The following TOPBP1 variants were observed in gnomAD, a reference collection of about 807,000 sequenced individuals.
TOPBP1 encodes DNA topoisomerase II binding protein 1.
TOPBP1 carries 28 observed loss-of-function variants against 167.7 expected under a neutral mutation model. That is an observed-to-expected ratio of 0.17 (90% CI 0.12 to 0.23). The LOEUF is 0.23. TOPBP1 is among the 10% of genes least tolerant of loss of function. The pLI is 1.00. For synonymous variants in TOPBP1, 598 were observed against 611.4 expected (o/e 0.98, Z 0.32); for missense variants, 1,554 against 1,809.6 (o/e 0.86, Z 2.56).
At chr3:133,605,129 G>A (rs1934445880) in intron 27 of TOPBP1, among the ~76,000 whole-genome samples, 1 of 151,298 alleles carries the variant, frequency 6.6e-6, no homozygotes, top group African/African-American at 2.4e-5. Flanking sequence ...AGCACAGGAA[G>A]TGGAGATTGC....
intron 23 of TOPBP1, 129 bp from the exon 24 acceptor site, chr3:133,612,681 GACTT>G (rs1200489045): frequency 4.4e-6 from 3 of 679,572 alleles, no homozygotes; most frequent in East Asian, 6.0e-5. Context: ...AAAAAAACTT[GACTT>G]ACTTAGAATT....
intron 21 of TOPBP1, 172 bp downstream of exon 21, chr3:133,618,041 T>C (rs944217836): frequency 3.3e-6 from 2 of 601,298 alleles, no homozygotes; most frequent in Non-Finnish European, 2.9e-6. Flanking sequence ...ATGAAGTACC[T>C]CAATTTACAA....
chr3:133,616,739 TTAA>T, intron 23 of TOPBP1, 72 bp downstream of exon 23: 2 of 833,050 alleles, frequency 2.4e-6, no homozygotes, highest in Non-Finnish European at 3.6e-6. Context: ...ACAAATGATA[TTAA>T]TATTGACTAC....
intron 2 of TOPBP1, among the ~76,000 whole-genome samples, chr3:133,659,762 TTA>T (rs10662614): frequency 6.6e-6 from 1 of 151,468 alleles, no homozygotes; most frequent in Non-Finnish European, 1.5e-5. Flanking sequence ...AAATACGTAT[TTA>T]TATATATATA....
chr3:133,620,573 A>C (rs1021500000), intron 19 of TOPBP1, among the ~76,000 whole-genome samples: 1 of 148,024 alleles, frequency 6.8e-6, no homozygotes, highest in Non-Finnish European at 1.5e-5. Flanking sequence ...AGCCCTTCAA[A>C]TACTTTTTTT....
At chr3:133,647,739 A>T (rs1936128483) in intron 10 of TOPBP1, among the ~76,000 whole-genome samples, 1 of 152,170 alleles carries the variant, frequency 6.6e-6, no homozygotes, top group Non-Finnish European at 1.5e-5. Context: ...TGAAAAATTA[A>T]TTATTAAAAC....
intron 12 of TOPBP1, among the ~76,000 whole-genome samples, chr3:133,641,238 T>A (rs1189652019): frequency 6.6e-6 from 1 of 152,244 alleles, no homozygotes; most frequent in Non-Finnish European, 1.5e-5. Flanking sequence ...TTATATATAT[T>A]TGAAATGTCA....
chr3:133,609,726 T>C (rs1415380530), intron 25 of TOPBP1, among the ~76,000 whole-genome samples: 3 of 152,240 alleles, frequency 2.0e-5, no homozygotes, highest in Non-Finnish European at 2.9e-5. Context: ...GCTTCTTACA[T>C]GACTGTAAGC....
At chr3:133,623,583 G>A in intron 17 of TOPBP1, 126 bp from the exon 18 acceptor site, 2 of 1,129,226 alleles carry the variant, frequency 1.8e-6, no homozygotes, top group Non-Finnish European at 2.3e-6. Flanking sequence ...AAACTGGTTT[G>A]AAAAGTAGTT....
Position 133,624,191 on chromosome 3 carries a change from C to CA in TOPBP1, c.2805-17dup. ...AAAACTCCACCTGAAATAACCAATA[C>CA]AAAAAAACAAATAACCAAGAGAAAC... On this transcript the variant is annotated splice_polypyrimidine_tract_variant and intron_variant, in intron 16 of 27. Transcript: ENST00000260810. The CA allele has an allele frequency of 1.9e-6, 3 of 1,606,600 alleles. No homozygotes were observed. The highest frequency in any genetic ancestry group is 2.2e-5 in the East Asian group (1 of 44,796).
intron 14 of TOPBP1, among the ~76,000 whole-genome samples, chr3:133,634,199 A>G (rs1375143281): frequency 1.3e-5 from 2 of 152,146 alleles, no homozygotes; most frequent in Non-Finnish European, 2.9e-5. Flanking sequence ...TCCTCGTGAA[A>G]CTATTTGAGT....
intron 27 of TOPBP1, among the ~76,000 whole-genome samples, chr3:133,601,595 C>T (rs144232864): frequency 5.2e-4 from 79 of 152,216 alleles, no homozygotes; most frequent in African/African-American, 1.5e-3. Context: ...CAAAGAAATA[C>T]GTGTATGGTT....
Position 133,637,887 on chromosome 3 carries a change from A to T in TOPBP1, c.2509T>A (p.Phe837Ile), listed in dbSNP as rs1251405440. 1.2e-6 allele frequency: 2 copies of T among 1,613,736 alleles called. No individual in the cohort carries two copies. The highest frequency in any genetic ancestry group is 4.5e-5 in the East Asian group (2 of 44,880). The part of the protein sequence containing the change: ...LSKDKLFKPS[F>I]DVKDALAALE... ...CCTATAAACCTTACCTTCACATCAA[A>T]GGAAGGCTTGAAGAGTTTGTCCTTG... Residue 837 changes from phenylalanine to isoleucine, a missense_variant, in exon 14 of 28, where the codon TTT (phenylalanine) becomes ATT (isoleucine). Phe to Ile is a conservative substitution (Grantham distance 21). This residue lies in a region of TOPBP1 where 1,197 missense variants were observed against 1,351.5 expected (regional missense o/e 0.89). Coordinates refer to ENST00000260810, the MANE Select transcript of TOPBP1 (RefSeq NM_007027.4).
chr3:133,611,188 C>T lies in TOPBP1; in HGVS notation c.4036-47G>A, dbSNP rs369444978. 58 of 1,580,536 alleles carry T rather than the reference C, an allele frequency of 3.7e-5. No individual in the cohort carries two copies. The African/African-American group carries it at 7.6e-4, about 21-fold the overall frequency. On this transcript the variant is annotated intron_variant, in intron 24 of 27. Transcript: ENST00000260810. Reference sequence around the variant, plus strand: ...CCTGAGTTGTTACAGTCTGGGGAGCCACTGTGCAACATACAGGGCTCCTCA... The same window carrying T: ...CCTGAGTTGTTACAGTCTGGGGAGCTACTGTGCAACATACAGGGCTCCTCA...
At position 133,632,041 on chromosome 3, in the gene TOPBP1, T is replaced by C. The variant is rs546010245; in HGVS notation, c.2521-3308A>G. ...ACTTCCCCTTCATTTTCGACCGTGA[T>C]TGTAATTTTCCTGAGGCCTCCCCAG... On this transcript the variant is annotated intron_variant, in intron 14 of 27. Coordinates refer to ENST00000260810, the MANE Select transcript of TOPBP1 (RefSeq NM_007027.4). Among the ~76,000 whole-genome samples, 18 of 152,294 alleles carry C rather than the reference T, an allele frequency of 1.2e-4. No individual in the cohort carries two copies. In the South Asian group the frequency reaches 1.2e-3, roughly 11 times the overall value.
At chr3:133,610,819 G>A (rs1934649913) in intron 25 of TOPBP1, among the ~76,000 whole-genome samples, 185 bp downstream of exon 25, 1 of 151,792 alleles carries the variant, frequency 6.6e-6, no homozygotes, top group Admixed American at 6.6e-5. Flanking sequence ...AAGATTCTTT[G>A]GAAGAAATGC....
chr3:133,651,168 TCC>T (rs971395545), intron 8 of TOPBP1, among the ~76,000 whole-genome samples: 1 of 140,938 alleles, frequency 7.1e-6, no homozygotes, highest in African/African-American at 2.6e-5. Context: ...TTGCCGAATT[TCC>T]CTTTTTTTTT....
chr3:133,621,792 G>A (rs568493567), intron 19 of TOPBP1, among the ~76,000 whole-genome samples: 2 of 152,194 alleles, frequency 1.3e-5, no homozygotes, highest in East Asian at 3.9e-4. Flanking sequence ...AGCTTTGGTA[G>A]GTTAGAATGA....
intron 2 of TOPBP1, among the ~76,000 whole-genome samples, chr3:133,659,799 G>A (rs537880080): frequency 6.6e-6 from 1 of 151,712 alleles, no homozygotes; most frequent in African/African-American, 2.4e-5. Flanking sequence ...CTCTCCCCTG[G>A]AAGTTTCTAT....
Sources: allele counts gnomAD v4.1 joint callset (sites outside exome capture counted in the v4.1 genomes callset), GRCh38; gene constraint gnomAD v4.1.1; regional missense constraint gnomAD v4.1.1; transcripts MANE v1.5; gene names NCBI Gene and HGNC (gene_info 2026-07-23, HGNC 2026-07-21).